TMTC2: variants seen among roughly 807,000 people sequenced by gnomAD.
TMTC2 encodes the protein protein O-mannosyl-transferase TMTC2.
In TMTC2, 43 loss-of-function variants were observed where a neutral mutation model predicts 82.4. The observed-to-expected ratio is 0.52, with a 90% CI of 0.41 to 0.67. TMTC2 has a LOEUF of 0.67. TMTC2 is among the 30% of genes least tolerant of loss of function. TMTC2 has a pLI of 0.00. For synonymous variants in TMTC2, 408 were observed against 381.9 expected (o/e 1.07, Z -0.80); for missense variants, 919 against 1,012.4 (o/e 0.91, Z 1.25).
At chr12:83,064,159 A>G (rs1053612788) in intron 11 of TMTC2, among the ~76,000 whole-genome samples, 1 of 151,872 alleles carries the variant, frequency 6.6e-6, no homozygotes, top group Non-Finnish European at 1.5e-5. Context: ...GGTTGGTCAA[A>G]TGACCATCTT....
chr12:83,003,972 G>A (rs1255371909), intron 8 of TMTC2, among the ~76,000 whole-genome samples: 1 of 152,036 alleles, frequency 6.6e-6, no homozygotes, highest in Non-Finnish European at 1.5e-5. Context: ...TTTATAAGTT[G>A]CTTACCCTCT....
intron 10 of TMTC2, among the ~76,000 whole-genome samples, chr12:83,051,439 A>G (rs1423855044): frequency 6.6e-6 from 1 of 152,134 alleles, no homozygotes; most frequent in African/African-American, 2.4e-5. Flanking sequence ...TGTAGGGCAT[A>G]TGAGTTTTTA....
chr12:82,783,290 CTGTGTG>C (rs72110651), intron 1 of TMTC2, among the ~76,000 whole-genome samples: 21 of 119,364 alleles, frequency 1.8e-4, no homozygotes, highest in Non-Finnish European at 2.7e-4. Flanking sequence ...GTATATGCCT[CTGTGTG>C]TGTGTGTGTG....
At chr12:82,734,711 C>T (rs1168441431) in intron 1 of TMTC2, among the ~76,000 whole-genome samples, 2 of 152,078 alleles carry the variant, frequency 1.3e-5, no homozygotes, top group African/African-American at 4.8e-5. Context: ...AAAGTGAGTT[C>T]CTGGAGGATG....
chr12:82,787,563 A>G (rs907907825), intron 1 of TMTC2, among the ~76,000 whole-genome samples: 1 of 152,122 alleles, frequency 6.6e-6, no homozygotes, highest in African/African-American at 2.4e-5. Flanking sequence ...TGATGTCAGT[A>G]TGGATTTGTA....
chr12:82,926,662 C>T (rs2137236967), intron 3 of TMTC2, among the ~76,000 whole-genome samples: 1 of 152,214 alleles, frequency 6.6e-6, no homozygotes, highest in South Asian at 2.1e-4. Flanking sequence ...GGTGTTAGTG[C>T]CTGGCTTCAT....
At chr12:82,911,517 A>G (rs1874656604) in intron 3 of TMTC2, among the ~76,000 whole-genome samples, 1 of 152,218 alleles carries the variant, frequency 6.6e-6, no homozygotes, top group Non-Finnish European at 1.5e-5. Flanking sequence ...CTTGCTCAAA[A>G]TGAAATAATG....
chr12:82,967,351 AGT>A (rs1400137307), intron 7 of TMTC2, among the ~76,000 whole-genome samples: 24 of 152,120 alleles, frequency 1.6e-4, no homozygotes, highest in Non-Finnish European at 3.1e-4. Flanking sequence ...AATTTTAGTA[AGT>A]GTATCAAATT....
intron 7 of TMTC2, among the ~76,000 whole-genome samples, chr12:82,970,945 G>GT (rs1040477459): frequency 2.0e-5 from 3 of 152,044 alleles, no homozygotes; most frequent in African/African-American, 4.8e-5. Context: ...GTAGGTTAGA[G>GT]TTTTTTTCTT....
intron 9 of TMTC2, among the ~76,000 whole-genome samples, chr12:83,050,040 A>G (rs1338039385): frequency 6.6e-6 from 1 of 152,182 alleles, no homozygotes; most frequent in Admixed American, 6.5e-5. Context: ...GTACTTTTAA[A>G]TTCTTGAACT....
intron 7 of TMTC2, among the ~76,000 whole-genome samples, chr12:82,983,542 T>A (rs1276781338): frequency 5.3e-5 from 8 of 152,074 alleles, no homozygotes; most frequent in Admixed American, 2.0e-4. Flanking sequence ...AACAAAATAA[T>A]GAAGATTTGT....
intron 1 of TMTC2, among the ~76,000 whole-genome samples, chr12:82,853,809 G>C (rs1315932128): frequency 6.6e-6 from 1 of 152,028 alleles, no homozygotes; most frequent in Non-Finnish European, 1.5e-5. Context: ...ATGGTATGAG[G>C]GTTTCTGGAT....
intron 8 of TMTC2, among the ~76,000 whole-genome samples, chr12:83,000,666 C>T (rs1879879948): frequency 6.6e-6 from 1 of 152,152 alleles, no homozygotes; most frequent in Non-Finnish European, 1.5e-5. Context: ...GTCTGGAGGA[C>T]TGTGGCCCTC....
intron 8 of TMTC2, among the ~76,000 whole-genome samples, chr12:82,992,419 G>A (rs1368148809): frequency 6.6e-6 from 1 of 152,134 alleles, no homozygotes; most frequent in Non-Finnish European, 1.5e-5. Flanking sequence ...AATTTTTCCT[G>A]TTAATCTGAT....
At chr12:82,969,569 C>T (rs189522779) in intron 7 of TMTC2, among the ~76,000 whole-genome samples, 9 of 152,254 alleles carry the variant, frequency 5.9e-5, no homozygotes, top group Admixed American at 5.9e-4. Flanking sequence ...TCCCCTTGAA[C>T]ATTTTATGAA....
intron 1 of TMTC2, among the ~76,000 whole-genome samples, chr12:82,757,648 A>C (rs73356345): frequency 0.015 from 2,285 of 152,290 alleles, 62 homozygotes; most frequent in African/African-American, 0.052. Context: ...CCTTATTTGT[A>C]TATTTCTCTC....
intron 1 of TMTC2, among the ~76,000 whole-genome samples, chr12:82,774,217 A>G (rs1437905119): frequency 6.6e-5 from 10 of 152,110 alleles, no homozygotes; most frequent in Admixed American, 6.5e-4. Flanking sequence ...GTGTACACAA[A>G]TGTATATGTG....
intron 1 of TMTC2, among the ~76,000 whole-genome samples, chr12:82,837,869 G>A (rs1406491422): frequency 6.6e-6 from 1 of 152,142 alleles, no homozygotes; most frequent in Non-Finnish European, 1.5e-5. Context: ...GGCTTCCCTA[G>A]TACAGGGATC....
At chr12:82,859,195 G>A (rs1871408542) in intron 2 of TMTC2, among the ~76,000 whole-genome samples, 1 of 151,642 alleles carries the variant, frequency 6.6e-6, no homozygotes, top group South Asian at 2.1e-4. Flanking sequence ...AGCCTCCCAA[G>A]TAGCTGGGAC....
Sources: gnomAD v4.1 joint callset for allele counts (sites outside exome capture counted in the v4.1 genomes callset) on GRCh38, gnomAD v4.1.1 for gene constraint, MANE v1.5 for transcripts, NCBI Gene and HGNC (gene_info 2026-07-23, HGNC 2026-07-21) for gene names.